The following ANKFN1 variants were observed in gnomAD, a reference collection of about 807,000 sequenced individuals.
ANKFN1 encodes the protein ankyrin repeat and fibronectin type III domain containing 1.
A neutral mutation model predicts 108.7 loss-of-function variants in ANKFN1; 74 were observed. That is an observed-to-expected ratio of 0.68 (90% CI 0.56 to 0.83). The LOEUF (loss-of-function observed/expected upper bound fraction) is 0.83, where lower values mean the gene tolerates loss of function less well. Ranked by LOEUF, ANKFN1 falls within the 40% of genes least tolerant of loss-of-function variation. The pLI is 0.00. For missense variants in ANKFN1, 1,505 were observed against 1,382.3 expected (o/e 1.09, Z -1.41); for synonymous variants, 547 against 516.2 (o/e 1.06, Z -0.81).
chr17:56,227,850 T>C (rs1916401081), intron 2 of ANKFN1, 67 bp from the exon 3 acceptor site: 2 of 1,294,196 alleles, frequency 1.5e-6, no homozygotes, highest in African/African-American at 1.5e-5. Context: ...CAAACGTGAC[T>C]CCTTTTTCAT....
At chr17:56,107,846 T>A (rs1461965346) in intron 4 of ANKFN1, among the ~76,000 whole-genome samples, 2 of 152,176 alleles carry the variant, frequency 1.3e-5, no homozygotes, top group Non-Finnish European at 2.9e-5. Context: ...TATAGCACCT[T>A]TTTTAAATTA....
chr17:56,084,665 C>A (rs1296216149), intron 4 of ANKFN1, among the ~76,000 whole-genome samples: 4 of 151,330 alleles, frequency 2.6e-5, no homozygotes, highest in Non-Finnish European at 5.9e-5. Context: ...AATGTGTTAC[C>A]AACCTTCTTT....
At chr17:56,220,139 G>T (rs1210135388) in intron 2 of ANKFN1, among the ~76,000 whole-genome samples, 2 of 152,120 alleles carry the variant, frequency 1.3e-5, no homozygotes, top group Non-Finnish European at 2.9e-5. Context: ...ATTCAACAAG[G>T]CACTCCCAAA....
At chr17:56,148,885 A>G (rs1908425291), upstream of ANKFN1, among the ~76,000 whole-genome samples, 1 of 152,168 alleles carries the variant, frequency 6.6e-6, no homozygotes, top group South Asian at 2.1e-4. Context: ...TTTTTTGAGT[A>G]CTTACAATGA....
At chr17:56,322,805 T>A (rs191131289) in intron 3 of ANKFN1, among the ~76,000 whole-genome samples, 1 of 152,382 alleles carries the variant, frequency 6.6e-6, no homozygotes, top group East Asian at 1.9e-4. Context: ...TACTTTTTTA[T>A]GGCATTTACT....
At chr17:56,188,760 A>G (rs1021716935) in intron 1 of ANKFN1, among the ~76,000 whole-genome samples, 4 of 151,420 alleles carry the variant, frequency 2.6e-5, no homozygotes, top group Non-Finnish European at 5.9e-5. Context: ...GAACTCCTAA[A>G]TCCCTCAGAA....
At chr17:56,225,779 G>T (rs1008188221) in intron 2 of ANKFN1, among the ~76,000 whole-genome samples, 1 of 152,140 alleles carries the variant, frequency 6.6e-6, no homozygotes, top group Non-Finnish European at 1.5e-5. Flanking sequence ...GATTTATTTT[G>T]TACCTCAAGA....
At chr17:56,158,562 C>T (rs1909330078) in intron 1 of ANKFN1, among the ~76,000 whole-genome samples, 1 of 152,178 alleles carries the variant, frequency 6.6e-6, no homozygotes, top group South Asian at 2.1e-4. Flanking sequence ...GCTAGAACAG[C>T]CTCTGCTTTC....
At chr17:56,129,867 A>C (rs1463388848) in intron 4 of ANKFN1, among the ~76,000 whole-genome samples, 2 of 152,228 alleles carry the variant, frequency 1.3e-5, no homozygotes, top group Non-Finnish European at 1.5e-5. Context: ...GAACAAATTC[A>C]TGCTTTTATT....
chr17:56,454,794 C>T (rs75370247), intron 11 of ANKFN1, among the ~76,000 whole-genome samples: 2,626 of 152,200 alleles, frequency 0.017, 63 homozygotes, highest in African/African-American at 0.059. Context: ...CAAATCTGCC[C>T]ATTTGGGGTA....
At chr17:56,505,588 C>T (rs1598736108) in intron 20 of ANKFN1, among the ~76,000 whole-genome samples, 1 of 152,200 alleles carries the variant, frequency 6.6e-6, no homozygotes, top group African/African-American at 2.4e-5. Flanking sequence ...ATACATACTG[C>T]ATGCTCTCTA....
intron 3 of ANKFN1, among the ~76,000 whole-genome samples, chr17:56,292,681 G>C (rs2044395354): frequency 6.6e-6 from 1 of 152,058 alleles, no homozygotes. Context: ...ACTGGGAAGT[G>C]AATCAAGCAA....
At chr17:56,094,457 GTT>G (rs1905477806) in intron 4 of ANKFN1, among the ~76,000 whole-genome samples, 1 of 22,756 alleles carries the variant, frequency 4.4e-5, no homozygotes, top group Non-Finnish European at 8.1e-5. Context: ...TACTGTCTCA[GTT>G]CTCAGTTGTT....
At chr17:56,221,090 A>C (rs1018121638) in intron 2 of ANKFN1, among the ~76,000 whole-genome samples, 4 of 152,052 alleles carry the variant, frequency 2.6e-5, no homozygotes, top group African/African-American at 9.7e-5. Flanking sequence ...GTGAAGGGGG[A>C]AGCAGGCAGG....
intron 1 of ANKFN1, among the ~76,000 whole-genome samples, chr17:56,162,516 A>T (rs1278465233): frequency 6.6e-6 from 1 of 152,218 alleles, no homozygotes; most frequent in Non-Finnish European, 1.5e-5. Context: ...GGACACAGTC[A>T]TATTGGAGTA....
intron 4 of ANKFN1, among the ~76,000 whole-genome samples, chr17:56,142,566 AC>A (rs1907991317): frequency 6.6e-6 from 1 of 152,162 alleles, no homozygotes; most frequent in African/African-American, 2.4e-5. Flanking sequence ...TGAAATTCAG[AC>A]CCTGGAAAAT....
chr17:56,100,036 C>A (rs1247724016), intron 4 of ANKFN1, among the ~76,000 whole-genome samples: 2 of 152,196 alleles, frequency 1.3e-5, no homozygotes, highest in Non-Finnish European at 2.9e-5. Flanking sequence ...AAAGCGGCAA[C>A]AAACACAGAA....
chr17:56,312,642 G>T (rs1045622712), intron 3 of ANKFN1, among the ~76,000 whole-genome samples: 1 of 152,074 alleles, frequency 6.6e-6, no homozygotes, highest in Non-Finnish European at 1.5e-5. Context: ...AAGGTCACTA[G>T]CTTCCAGCCT....
intron 3 of ANKFN1, among the ~76,000 whole-genome samples, chr17:56,312,125 C>G (rs558563824): frequency 1.3e-5 from 2 of 152,200 alleles, no homozygotes; most frequent in African/African-American, 4.8e-5. Context: ...GGGTCTGCCC[C>G]TCTATATCCT....
Sources: allele counts gnomAD v4.1 joint callset (sites outside exome capture counted in the v4.1 genomes callset), GRCh38; gene constraint gnomAD v4.1.1; transcripts MANE v1.5; gene names NCBI Gene and HGNC (gene_info 2026-07-23, HGNC 2026-07-21).